The following ARID2 variants were observed in gnomAD, a reference collection of about 807,000 sequenced individuals.
ARID2 encodes AT-rich interactive domain-containing protein 2.
In ARID2, 32 loss-of-function variants were observed where a neutral mutation model predicts 184.6. The observed-to-expected ratio is 0.17, with a 90% confidence interval of 0.13 to 0.23. ARID2 has a LOEUF of 0.23. Among genes scored for constraint, ARID2 ranks in the 10% least tolerant of loss-of-function variants. ARID2 has a pLI of 1.00. For synonymous variants in ARID2, 836 were observed against 772.6 expected (o/e 1.08, Z -1.36); for missense variants, 1,696 against 2,197.6 (o/e 0.77, Z 4.56).
At chr12:45,801,538 C>T (rs1374852394) in intron 3 of ARID2, among the ~76,000 whole-genome samples, 3 of 152,058 alleles carry the variant, frequency 2.0e-5, no homozygotes, top group Non-Finnish European at 1.5e-5. Flanking sequence ...AAAGTAAAAG[C>T]GCCAACTGTG....
At chr12:45,822,576 A>G (rs556216532) in intron 6 of ARID2, among the ~76,000 whole-genome samples, 1 of 152,242 alleles carries the variant, frequency 6.6e-6, no homozygotes, top group Admixed American at 6.5e-5. Context: ...TAAATAAAAA[A>G]TAAAATGATA....
intron 5 of ARID2, among the ~76,000 whole-genome samples, chr12:45,820,578 T>C (rs1402604337): frequency 6.6e-6 from 1 of 152,208 alleles, no homozygotes; most frequent in Non-Finnish European, 1.5e-5. Flanking sequence ...TAATTTTCTT[T>C]TGGTTTCTAA....
intron 5 of ARID2, among the ~76,000 whole-genome samples, chr12:45,818,776 G>A (rs1014788415): frequency 6.6e-6 from 1 of 152,058 alleles, no homozygotes; most frequent in Non-Finnish European, 1.5e-5. Flanking sequence ...TTTGGGTCAA[G>A]TAGTGTTTTA....
At chr12:45,778,527 GTAA>G (rs1791229935) in intron 3 of ARID2, among the ~76,000 whole-genome samples, 1 of 151,980 alleles carries the variant, frequency 6.6e-6, no homozygotes, top group Non-Finnish European at 1.5e-5. Flanking sequence ...TGCAGAGAGA[GTAA>G]TAATAAGAAA....
At chr12:45,899,671 T>TTATATATGGTTATATA (rs1944424797) in intron 20 of ARID2, among the ~76,000 whole-genome samples, 1 of 45,126 alleles carries the variant, frequency 2.2e-5, no homozygotes, top group Non-Finnish European at 5.2e-5. Flanking sequence ...ATATATATGG[T>TTATATATGGTTATATA]TATATATGGT....
chr12:45,872,107 C>T (rs1437114574), intron 16 of ARID2, among the ~76,000 whole-genome samples: 1 of 151,630 alleles, frequency 6.6e-6, no homozygotes, highest in Non-Finnish European at 1.5e-5. Context: ...CTGTTGATTT[C>T]CTGTTTTCAG....
chr12:45,766,193 A>G (rs1941767304), intron 3 of ARID2, among the ~76,000 whole-genome samples: 2 of 151,422 alleles, frequency 1.3e-5, no homozygotes, highest in African/African-American at 4.9e-5. Context: ...TTTGAGACAG[A>G]GTCTTGCTCT....
chr12:45,881,961 C>A, intron 16 of ARID2: 1 of 192,592 alleles, frequency 5.2e-6, no homozygotes, highest in East Asian at 1.3e-4. Context: ...CTGAGGAACT[C>A]CAAGTGGCAA....
intron 20 of ARID2, among the ~76,000 whole-genome samples, chr12:45,904,590 C>A (rs1454194295): frequency 2.0e-5 from 3 of 147,802 alleles, no homozygotes; most frequent in African/African-American, 7.6e-5. Flanking sequence ...ACTTGGGAGG[C>A]TGAGGCAGGA....
chr12:45,827,695 A>G (rs1405602909), intron 6 of ARID2, among the ~76,000 whole-genome samples: 2 of 152,114 alleles, frequency 1.3e-5, no homozygotes, highest in Admixed American at 1.3e-4. Flanking sequence ...GATTTTTAGT[A>G]GGTTTGAATG....
chr12:45,830,691 A>T (rs1943101296), intron 6 of ARID2, among the ~76,000 whole-genome samples: 1 of 152,166 alleles, frequency 6.6e-6, no homozygotes, highest in Non-Finnish European at 1.5e-5. Context: ...AAAGTGTTTA[A>T]ATAAATACCC....
intron 3 of ARID2, among the ~76,000 whole-genome samples, chr12:45,803,987 CATATGGAGTGCCTGAT>C (rs536366061): frequency 7.7e-4 from 117 of 152,288 alleles, no homozygotes; most frequent in African/African-American, 2.6e-3. Flanking sequence ...GGATGAGTAA[CATATGGAGTGCCTGAT>C]ATATGAAGAG....
intron 20 of ARID2, chr12:45,894,040 T>A (rs1408889865): frequency 5.2e-6 from 1 of 190,946 alleles, no homozygotes; most frequent in Non-Finnish European, 1.1e-5. Context: ...AGGAATTTGA[T>A]CATTTGAATC....
intron 3 of ARID2, among the ~76,000 whole-genome samples, chr12:45,739,628 AAGT>A (rs1941210622): frequency 6.6e-6 from 1 of 151,870 alleles, no homozygotes; most frequent in African/African-American, 2.4e-5. Context: ...CATACTTGAT[AAGT>A]ATTTATATAT....
chr12:45,881,322 TG>T lies in ARID2; in HGVS notation c.4923-10457del, dbSNP rs1251582049. ...AAGGCCTTCCACCTCACCTGGTCTG[TG>T]TGCCCCTTGTCCATGTTGCCTTTCT... On this transcript the variant is annotated intron_variant, in intron 16 of 20. Coordinates refer to ENST00000334344, the MANE Select transcript of ARID2 (RefSeq NM_152641.4). 1.8e-5 allele frequency: 3 copies of T among 166,600 alleles called. No individual in the cohort carries two copies. In the Admixed American group the frequency reaches 1.8e-4, roughly 10 times the overall value. The allele number at this position is 166,600 out of a possible 1,614,324, so 10.3% of individuals were successfully genotyped here.
chr12:45,779,395 T>TG (rs1288023386), intron 3 of ARID2, among the ~76,000 whole-genome samples: 3 of 152,146 alleles, frequency 2.0e-5, no homozygotes, highest in African/African-American at 7.2e-5. Context: ...ATTTCATTTG[T>TG]GAAAAATTGT....
chr12:45,818,623 A>G (rs968329824), intron 5 of ARID2, among the ~76,000 whole-genome samples: 30 of 152,154 alleles, frequency 2.0e-4, no homozygotes, highest in African/African-American at 7.0e-4. Flanking sequence ...ATTGACATAC[A>G]TCAAAAGTAT....
At chr12:45,750,664 T>G (rs1190257126) in intron 3 of ARID2, among the ~76,000 whole-genome samples, 1 of 152,198 alleles carries the variant, frequency 6.6e-6, no homozygotes, top group Non-Finnish European at 1.5e-5. Flanking sequence ...ATGGATACGA[T>G]TAATACAAAT....
In ARID2 at chr12:45,905,911, T is replaced by C. The variant is rs1944520854; in HGVS notation, c.*833T>C. The C allele has an allele frequency of 4.3e-6, 1 of 232,836 alleles. No homozygotes were observed. The highest frequency in any genetic ancestry group is 8.5e-6 in the Non-Finnish European group (1 of 117,782). 14.4% of individuals were successfully genotyped at this position (232,836 alleles called of 1,614,324 possible). A position where few individuals can be genotyped will look rare whatever the true frequency, so the allele number is the denominator to read the frequency against. ...TGATGCTGTAAAGTCAAAACAGTTT[T>C]GTGGAACTGTGATTTTTTTTTCTTT... is the stretch of plus-strand genomic sequence containing the variant. On this transcript the variant is annotated 3_prime_UTR_variant, in exon 21 of 21. Coordinates refer to ENST00000334344, the MANE Select transcript of ARID2 (RefSeq NM_152641.4).
Sources: gnomAD v4.1 joint callset for allele counts (sites outside exome capture counted in the v4.1 genomes callset) on GRCh38, gnomAD v4.1.1 for gene constraint, MANE v1.5 for transcripts, NCBI Gene and HGNC (gene_info 2026-07-23, HGNC 2026-07-21) for gene names.